USP53: variants seen among roughly 807,000 people sequenced by gnomAD.
USP53 encodes the protein ubiquitin carboxyl-terminal hydrolase 53.
A neutral mutation model predicts 94.9 loss-of-function variants in USP53; 71 were observed. The observed-to-expected ratio is 0.75, with a 90% CI of 0.62 to 0.91. The LOEUF is 0.91. Ranked by LOEUF, USP53 falls within the 40% of genes least tolerant of loss-of-function variation. The pLI is 0.00. For synonymous variants in USP53, 375 were observed against 422.7 expected, an observed-to-expected ratio of 0.89 and a Z score of 1.39; for missense variants, 1,173 against 1,281.0, an observed-to-expected ratio of 0.92 and a Z score of 1.29.
intron 14 of USP53, 28 bp downstream of exon 14, chr4:119,268,448 T>C: frequency 6.3e-7 from 1 of 1,583,762 alleles, no homozygotes. Flanking sequence ...CATTTTTACA[T>C]AGTTCCAAGT....
chr4:119,273,675 T>C lies in USP53; in HGVS notation c.2218T>C (p.Cys740Arg). 6.2e-7 allele frequency: 1 copy of C among 1,612,864 alleles called. No individual in the cohort carries two copies. Among genetic ancestry groups the C allele is most frequent in the Non-Finnish European group, 8.5e-7 (1 of 1,179,252 alleles). The part of the protein sequence containing the change: ...TSNLNKERGD[C>R]TSLQSQHHLE... ...CAACCTAAATAAAGAACGTGGGGAC[T>C]GTACCTCCCTTCAGAGCCAACATCA... Residue 740 changes from cysteine (C) to arginine (R), a missense_variant, in exon 17 of 19, where the codon TGT (cysteine) becomes CGT (arginine). Transcript: ENST00000692078.
chr4:119,251,398 A>G (rs1748982628), intron 7 of USP53, among the ~76,000 whole-genome samples: 1 of 152,198 alleles, frequency 6.6e-6, no homozygotes, highest in Non-Finnish European at 1.5e-5. Flanking sequence ...AGAATGATTT[A>G]TAATCCTTTG....
chr4:119,264,844 T>C (rs1348508448), intron 12 of USP53, among the ~76,000 whole-genome samples: 1 of 152,232 alleles, frequency 6.6e-6, no homozygotes, highest in Non-Finnish European at 1.5e-5. Flanking sequence ...GTAAAACGTG[T>C]ACTTGAATGT....
intron 17 of USP53, among the ~76,000 whole-genome samples, chr4:119,281,337 A>G (rs1325122677): frequency 6.6e-6 from 1 of 152,224 alleles, no homozygotes; most frequent in Non-Finnish European, 1.5e-5. Flanking sequence ...ATAATTTTTC[A>G]CAATATAAAA....
intron 3 of USP53, among the ~76,000 whole-genome samples, chr4:119,232,911 A>G (rs573727703): frequency 1.3e-5 from 2 of 152,154 alleles, no homozygotes; most frequent in Non-Finnish European, 2.9e-5. Context: ...TGAAGTTTAG[A>G]TAAAAATTTA....
chr4:119,220,798 C>A (rs1324396585), intron 3 of USP53: 1 of 152,258 alleles, frequency 6.6e-6, no homozygotes, highest in Non-Finnish European at 1.5e-5. Flanking sequence ...TGGAGTCTTG[C>A]AGTTGGGGAG....
chr4:119,271,697 A>G lies in USP53; in HGVS notation c.1837A>G (p.Ile613Val), dbSNP rs765208066. 3 of 1,614,038 alleles carry G rather than the reference A, an allele frequency of 1.9e-6. No individual in the cohort carries two copies. Among genetic ancestry groups the G allele is most frequent in the South Asian group, 2.2e-5 (2 of 91,016 alleles). ...GCATAGTCCAAGACATAAACCAAAT[A>G]TCAGTAATAAGCCTAAATCTAGCAA... is the stretch of plus-strand genomic sequence containing the variant. ...RQHSPRHKPN[I>V]SNKPKSSKDP... Residue 613 changes from isoleucine (I) to valine (V), a missense_variant, in exon 16 of 19, where the codon ATC (isoleucine) becomes GTC (valine). Ile to Val is a conservative substitution (Grantham distance 29). Coordinates refer to ENST00000692078, the MANE Select transcript of USP53 (RefSeq NM_001371395.1).
At chr4:119,227,296 CACAA>C (rs200900117) in intron 3 of USP53, among the ~76,000 whole-genome samples, 295 of 140,602 alleles carry the variant, frequency 2.1e-3, no homozygotes, top group African/African-American at 7.0e-3. Context: ...CACACACACA[CACAA>C]ACTTGAAATG....
intron 12 of USP53, among the ~76,000 whole-genome samples, chr4:119,263,648 C>A (rs1750764475): frequency 6.6e-6 from 1 of 152,078 alleles, no homozygotes. Context: ...TTTGTATCCC[C>A]ACCATAAAGA....
chr4:119,227,256 TACACACACACACACACACACAC>T lies in USP53; in HGVS notation c.-664-8012_-664-7991del, dbSNP rs3138727. Among the ~76,000 whole-genome samples, 108 of 125,128 alleles carry T rather than the reference TACACACACACACACACACACAC, an allele frequency of 8.6e-4. 1 individual carries two copies. In the South Asian group the frequency reaches 0.023, roughly 26 times the overall value. The allele number at this position is 125,128 out of a possible 152,430, so 82.1% of individuals were successfully genotyped here. ...ATTAATCCAAAGCCTTGTCTAACAC[TACACACACACACACACACACAC>T]ACACACACACACACACACACAAACT... On this transcript the variant is annotated intron_variant, in intron 3 of 18. Transcript: ENST00000692078.
Position 119,254,515 on chromosome 4 carries a change from C to G in USP53, c.373-1731C>G, listed in dbSNP as rs578088684. ...ACTTTCTTCTGCATGATTGAATCGGCTACTGAAGCTTGTGTATGCTTCACG... is the reference window on the plus strand; with the variant it reads ...ACTTTCTTCTGCATGATTGAATCGGGTACTGAAGCTTGTGTATGCTTCACG... On this transcript the variant is annotated intron_variant, in intron 7 of 18. Transcript: ENST00000692078. Among the ~76,000 whole-genome samples, 25 of 152,296 alleles carry G rather than the reference C, an allele frequency of 1.6e-4. No homozygotes were observed. The South Asian group carries it at 4.6e-3, about 28-fold the overall frequency.
chr4:119,264,976 C>CT (rs1218078739), intron 12 of USP53, among the ~76,000 whole-genome samples: 1 of 152,114 alleles, frequency 6.6e-6, no homozygotes, highest in Non-Finnish European at 1.5e-5. Context: ...AAGGACTGAA[C>CT]TATTGAACTG....
At position 119,261,708 on chromosome 4, in the gene USP53, T is replaced by A. The variant is rs778979119; in HGVS notation, c.823-7T>A. On this transcript the variant is annotated splice_polypyrimidine_tract_variant and splice_region_variant and intron_variant, in intron 11 of 18. Transcript: ENST00000692078. ...GTTAAGTGTACATTACCAATTTTTT[T>A]AAACAGCTTTTTTATAGAGTTACTG... 2.2e-5 allele frequency: 35 copies of A among 1,564,904 alleles called. No homozygotes were observed. The highest frequency in any genetic ancestry group is 4.6e-5 in the East Asian group (2 of 43,854).
chr4:119,225,179 T>C (rs534489183), intron 3 of USP53, among the ~76,000 whole-genome samples: 2 of 152,224 alleles, frequency 1.3e-5, no homozygotes, highest in South Asian at 2.1e-4. Context: ...TTTTTGCCAA[T>C]AAATTTGACA....
intron 3 of USP53, among the ~76,000 whole-genome samples, chr4:119,223,535 A>G (rs9991582): frequency 2.0e-5 from 3 of 152,190 alleles, no homozygotes; most frequent in Non-Finnish European, 1.5e-5. Flanking sequence ...GGATTGGTGA[A>G]AAGTCAAAAA....
chr4:119,253,109 TG>T (rs1189310802), intron 7 of USP53, among the ~76,000 whole-genome samples: 1 of 152,196 alleles, frequency 6.6e-6, no homozygotes, highest in Non-Finnish European at 1.5e-5. Context: ...CAGTTATTTC[TG>T]TTCTTTTACA....
chr4:119,267,868 A>G (rs1265126600), intron 13 of USP53, among the ~76,000 whole-genome samples: 4 of 152,196 alleles, frequency 2.6e-5, no homozygotes, highest in African/African-American at 9.6e-5. Flanking sequence ...AACTTTTTTT[A>G]CAGTTAAAAA....
At chr4:119,226,248 A>AT (rs1238855843) in intron 3 of USP53, among the ~76,000 whole-genome samples, 2 of 152,234 alleles carry the variant, frequency 1.3e-5, no homozygotes. Flanking sequence ...TTCATCTCAG[A>AT]TTGGAAGCAA....
At chr4:119,253,903 G>C (rs544806051) in intron 7 of USP53, among the ~76,000 whole-genome samples, 2 of 152,292 alleles carry the variant, frequency 1.3e-5, no homozygotes, top group East Asian at 3.9e-4. Context: ...GCTCTTGAAA[G>C]GCAGGCCTGG....
Sources: allele counts gnomAD v4.1 joint callset (sites outside exome capture counted in the v4.1 genomes callset), GRCh38; gene constraint gnomAD v4.1.1; transcripts MANE v1.5; gene names NCBI Gene and HGNC (gene_info 2026-07-23, HGNC 2026-07-21).